The following PCDHA8 variants were observed in gnomAD, a reference collection of about 807,000 sequenced individuals.
The protein encoded by PCDHA8 is protocadherin alpha-8.
PCDHA8 carries 53 observed loss-of-function variants against 61.8 expected under a neutral mutation model. The ratio of observed to expected loss-of-function variants is 0.86; its 90% CI spans 0.69 to 1.08. The LOEUF (loss-of-function observed/expected upper bound fraction) is 1.08. PCDHA8 is among the 50% of genes least tolerant of loss of function. The pLI is 0.00. For synonymous variants in PCDHA8, 618 were observed against 556.6 expected (o/e 1.11, Z -1.55); for missense variants, 1,293 against 1,245.0 (o/e 1.04, Z -0.58).
At chr5:140,967,749 C>T (rs1554229896) in intron 1 of PCDHA8, 1 of 1,614,172 alleles carries the variant, frequency 6.2e-7, no homozygotes, top group African/African-American at 1.3e-5. Context: ...TATGAGGAAG[C>T]CTCCTCCTAC....
intron 1 of PCDHA8, chr5:140,882,333 C>T (rs1052199425): frequency 3.8e-5 from 61 of 1,614,102 alleles, no homozygotes; most frequent in Non-Finnish European, 5.0e-5. Flanking sequence ...CTGATCCTCG[C>T]AGCCTGGGAG....
intron 1 of PCDHA8, chr5:140,966,881 C>A: frequency 6.3e-7 from 1 of 1,589,072 alleles, no homozygotes. Context: ...GCTACCTGGC[C>A]CTGCGGCCTC....
intron 1 of PCDHA8, among the ~76,000 whole-genome samples, chr5:140,953,778 A>T (rs782648195): frequency 2.0e-5 from 3 of 151,986 alleles, no homozygotes; most frequent in Non-Finnish European, 2.9e-5. Context: ...ATATTTATTT[A>T]TTTTTTTCTT....
At chr5:141,009,538 C>T (rs1159631714) in intron 3 of PCDHA8, 89 bp from the exon 4 acceptor site, 11 of 1,522,362 alleles carry the variant, frequency 7.2e-6, no homozygotes, top group African/African-American at 1.4e-5. Context: ...GTTCAGCCTG[C>T]CTATGCAGTA....
At chr5:140,882,588 A>T in intron 1 of PCDHA8, 7 of 1,614,186 alleles carry the variant, frequency 4.3e-6, no homozygotes, top group Non-Finnish European at 5.1e-6. Context: ...ATCCACCTGG[A>T]GGTGATCGTG....
At chr5:140,919,516 A>G (rs1207061379) in intron 1 of PCDHA8, among the ~76,000 whole-genome samples, 2 of 152,078 alleles carry the variant, frequency 1.3e-5, no homozygotes. Flanking sequence ...TATATGTTTT[A>G]ATTCTCTTTT....
chr5:140,975,578 C>T (rs2096673039), intron 1 of PCDHA8, among the ~76,000 whole-genome samples: 2 of 152,232 alleles, frequency 1.3e-5, no homozygotes, highest in Non-Finnish European at 2.9e-5. Flanking sequence ...TATGCAGTCT[C>T]ATGTCCCAGA....
At chr5:140,922,241 G>A (rs1314775680) in intron 1 of PCDHA8, among the ~76,000 whole-genome samples, 1 of 152,192 alleles carries the variant, frequency 6.6e-6, no homozygotes, top group Non-Finnish European at 1.5e-5. Context: ...TGATGTGTAT[G>A]AAGATAAGTT....
Position 140,842,469 on chromosome 5 carries a change from G to A in PCDHA8, c.1148G>A (p.Gly383Glu). ...AACGACCTCGATTCAGGTGCCAACG[G>A]GCAGGTGACCTGCTCCCTGATGCCC... ...SVNDLDSGAN[G>E]QVTCSLMPHV... Residue 383 changes from glycine (G) to glutamate (E), a missense_variant, in exon 1 of 4, where the codon GGG becomes GAG. Gly to Glu is a moderately conservative substitution (Grantham distance 98, BLOSUM62 -2). Transcript: ENST00000531613. 3 of 1,613,864 alleles carry A rather than the reference G, an allele frequency of 1.9e-6. No homozygotes were observed. Among genetic ancestry groups the A allele is most frequent in the Non-Finnish European group, 2.5e-6 (3 of 1,179,842 alleles).
intron 1 of PCDHA8, among the ~76,000 whole-genome samples, chr5:140,913,656 T>A (rs2076420236): frequency 6.6e-6 from 1 of 152,152 alleles, no homozygotes; most frequent in African/African-American, 2.4e-5. Context: ...TTCTTTAAGA[T>A]GTATAGTTAG....
intron 1 of PCDHA8, among the ~76,000 whole-genome samples, chr5:140,954,516 G>C (rs782233597): frequency 3.3e-5 from 5 of 152,172 alleles, no homozygotes; most frequent in Admixed American, 6.5e-5. Flanking sequence ...TTTACCTAAT[G>C]ATCAGTGATG....
At chr5:140,877,910 T>A in intron 1 of PCDHA8, 2 of 1,431,310 alleles carry the variant, frequency 1.4e-6, no homozygotes, top group African/African-American at 2.9e-5. Flanking sequence ...AACTACATTC[T>A]CTCATTTTTC....
intron 1 of PCDHA8, among the ~76,000 whole-genome samples, chr5:140,961,327 AGAGACCAAGAGTG>A (rs1375426442): frequency 6.6e-6 from 1 of 152,206 alleles, no homozygotes. Context: ...CTGTTTCTTG[AGAGACCAAGAGTG>A]GATCCCTGTA....
At chr5:140,974,496 T>C (rs1554236114) in intron 1 of PCDHA8, among the ~76,000 whole-genome samples, 1 of 152,198 alleles carries the variant, frequency 6.6e-6, no homozygotes, top group Non-Finnish European at 1.5e-5. Flanking sequence ...TCAAATGTAT[T>C]ACCTTTGTGT....
intron 2 of PCDHA8, among the ~76,000 whole-genome samples, chr5:140,980,278 GAAAAGT>G (rs1267614144): frequency 6.6e-6 from 1 of 152,166 alleles, no homozygotes; most frequent in Non-Finnish European, 1.5e-5. Context: ...ACCAACTCTT[GAAAAGT>G]ACCAAAGCTA....
chr5:140,941,862 T>G (rs1007783083), intron 1 of PCDHA8, among the ~76,000 whole-genome samples: 33 of 152,238 alleles, frequency 2.2e-4, no homozygotes, highest in African/African-American at 7.7e-4. Context: ...TTCCCTATCA[T>G]AGAGTTCTAT....
intron 1 of PCDHA8, chr5:140,884,210 C>G: frequency 6.2e-7 from 1 of 1,613,532 alleles, no homozygotes; most frequent in South Asian, 1.1e-5. Context: ...CCACCGCCTT[C>G]TGGTGCTGGT....
intron 1 of PCDHA8, among the ~76,000 whole-genome samples, chr5:140,903,060 T>C (rs1412957275): frequency 6.6e-6 from 1 of 152,316 alleles, no homozygotes; most frequent in East Asian, 1.9e-4. Flanking sequence ...TGACTTCTTT[T>C]CCTTTGGGTA....
intron 1 of PCDHA8, chr5:140,865,657 A>C (rs2048950943): frequency 6.6e-6 from 1 of 152,200 alleles, no homozygotes; most frequent in Admixed American, 6.5e-5. Flanking sequence ...ATTTCATTTA[A>C]TACTTATAAC....
Sources: gnomAD v4.1 joint callset for allele counts (sites outside exome capture counted in the v4.1 genomes callset) on GRCh38, gnomAD v4.1.1 for gene constraint, MANE v1.5 for transcripts, NCBI Gene and HGNC (gene_info 2026-07-23, HGNC 2026-07-21) for gene names.